Variants in CDK14 observed in about 807,000 individuals in gnomAD.
CDK14 encodes the protein cyclin-dependent kinase 14.
CDK14 carries 34 observed loss-of-function variants against 60.7 expected under a neutral mutation model. The ratio of observed to expected loss-of-function variants is 0.56; its 90% CI spans 0.43 to 0.75. CDK14 has a LOEUF of 0.75. Ranked by LOEUF, CDK14 falls within the 30% of genes least tolerant of loss-of-function variation. The pLI is 0.00. For missense variants in CDK14, 482 were observed against 564.1 expected, an observed-to-expected ratio of 0.85 and a Z score of 1.47; for synonymous variants, 197 against 203.7, an observed-to-expected ratio of 0.97 and a Z score of 0.28.
intron 4 of CDK14, among the ~76,000 whole-genome samples, chr7:90,757,696 G>A (rs1201269912): frequency 6.6e-6 from 1 of 151,922 alleles, no homozygotes; most frequent in East Asian, 1.9e-4. Context: ...TGCCGCTGAG[G>A]CTTAACCGAT....
chr7:91,052,315 T>TGG (rs1797416044), intron 11 of CDK14, among the ~76,000 whole-genome samples: 1 of 152,242 alleles, frequency 6.6e-6, no homozygotes, highest in African/African-American at 2.4e-5. Context: ...TCTCACTTCC[T>TGG]GAGTGTGTTT....
intron 5 of CDK14, among the ~76,000 whole-genome samples, chr7:90,805,255 A>AG (rs569174067): frequency 6.6e-6 from 1 of 152,124 alleles, no homozygotes; most frequent in Non-Finnish European, 1.5e-5. Context: ...CCCATGAGCA[A>AG]GGGGGGTATC....
In CDK14 at chr7:90,970,052, C is replaced by T. The variant is rs145767717; in HGVS notation, c.948-14096C>T. 6.8e-3 allele frequency among the ~76,000 whole-genome samples: 1,038 copies of T among 151,672 alleles called. 17 individuals carry two copies. Among genetic ancestry groups the T allele is most frequent in the African/African-American group, 0.023 (954 of 41,338 alleles). ...CACAATCTCGGCTCATTGCAACCTCCGCCTCCCAGGTTTAAGCGATCCTCT... is the reference window on the plus strand; with the variant it reads ...CACAATCTCGGCTCATTGCAACCTCTGCCTCCCAGGTTTAAGCGATCCTCT... On this transcript the variant is annotated intron_variant, in intron 9 of 14. Coordinates refer to ENST00000380050, the MANE Select transcript of CDK14 (RefSeq NM_001287135.2).
In CDK14 at chr7:90,744,820, C is replaced by T. The variant is rs1298227473; in HGVS notation, c.370-2861C>T. On this transcript the variant is annotated intron_variant, in intron 3 of 14. Transcript: ENST00000380050. ...GGCGGCTGGCCGGGCGGGGGGCTGA[C>T]GCCCCCACCTCCCTCCCGGACGGGG... 2.4e-4 allele frequency among the ~76,000 whole-genome samples: 19 copies of T among 77,922 alleles called. 2 individuals carry two copies. Among genetic ancestry groups the T allele is most frequent in the Admixed American group, 3.6e-4 (3 of 8,328 alleles). The allele number at this position is 77,922 out of a possible 152,430, so 51.1% of individuals were successfully genotyped here.
At chr7:90,776,182 C>T (rs1805037763) in intron 4 of CDK14, among the ~76,000 whole-genome samples, 1 of 152,094 alleles carries the variant, frequency 6.6e-6, no homozygotes, top group African/African-American at 2.4e-5. Flanking sequence ...GTTTGGAGTT[C>T]TTCCATTCCT....
chr7:91,134,864 G>A (rs1000178765), intron 14 of CDK14, among the ~76,000 whole-genome samples: 1 of 151,764 alleles, frequency 6.6e-6, no homozygotes, highest in Non-Finnish European at 1.5e-5. Flanking sequence ...GCAACAGAGT[G>A]AGACCCTGTC....
chr7:91,205,730 G>A (rs997975154), intron 14 of CDK14, among the ~76,000 whole-genome samples: 1 of 152,184 alleles, frequency 6.6e-6, no homozygotes, highest in African/African-American at 2.4e-5. Context: ...AAGTTAACTT[G>A]CCAGAAACTC....
In CDK14 at chr7:90,772,508, C is replaced by T. The variant is rs1289775599; in HGVS notation, c.465-18065C>T. Among the ~76,000 whole-genome samples the T allele has an allele frequency of 2.6e-5, 4 of 152,106 alleles. No individual in the cohort carries two copies. The South Asian group carries it at 6.2e-4, about 24-fold the overall frequency. ...GCGATTGGATCATGTAGGCAGATTTCCCCGTTGCTGTTCTCATGATAGTGA... is the reference window on the plus strand; with the variant it reads ...GCGATTGGATCATGTAGGCAGATTTTCCCGTTGCTGTTCTCATGATAGTGA... On this transcript the variant is annotated intron_variant, in intron 4 of 14. Transcript: ENST00000380050.
chr7:91,049,374 A>G (rs1056712211), intron 11 of CDK14, among the ~76,000 whole-genome samples: 3 of 152,192 alleles, frequency 2.0e-5, no homozygotes, highest in Non-Finnish European at 4.4e-5. Context: ...TGTTTTTAGA[A>G]TAGTGGAGTT....
intron 5 of CDK14, among the ~76,000 whole-genome samples, chr7:90,820,032 G>T (rs1562785770): frequency 1.3e-5 from 2 of 152,088 alleles, no homozygotes; most frequent in Non-Finnish European, 2.9e-5. Context: ...CATTCCTGAG[G>T]TTTTTGCGCC....
chr7:90,719,087 C>T (rs908873204), intron 2 of CDK14, among the ~76,000 whole-genome samples: 1 of 151,972 alleles, frequency 6.6e-6, no homozygotes, highest in Non-Finnish European at 1.5e-5. Flanking sequence ...CCATCAGGCC[C>T]TCCTGGGGTA....
chr7:90,984,196 T>C lies in CDK14; in HGVS notation c.996T>C (p.Phe332=). The C allele has an allele frequency of 1.2e-6, 2 of 1,613,180 alleles. No homozygotes were observed. The highest frequency in any genetic ancestry group is 1.7e-6 in the Non-Finnish European group (2 of 1,179,152). ...FVEMIQGVAA[F]PGMKDIQDQL... is the part of the protein sequence containing the mutation. ...AAATGATCCAAGGAGTTGCTGCTTT[T>C]CCAGGAATGAAAGACATTCAGGATC... is the stretch of plus-strand genomic sequence containing the variant. The change falls in exon 10 of 15, where the codon TTT becomes TTC. Residue 332 remains phenylalanine, a synonymous_variant. Coordinates refer to ENST00000380050, the MANE Select transcript of CDK14 (RefSeq NM_001287135.2).
At chr7:91,084,707 A>T (rs1798582359) in intron 12 of CDK14, among the ~76,000 whole-genome samples, 1 of 152,174 alleles carries the variant, frequency 6.6e-6, no homozygotes, top group Admixed American at 6.5e-5. Context: ...GCGTTTTTTG[A>T]TCCCCTTCTG....
At chr7:90,760,037 AT>A (rs1804253318) in intron 4 of CDK14, among the ~76,000 whole-genome samples, 1 of 152,274 alleles carries the variant, frequency 6.6e-6, no homozygotes, top group African/African-American at 2.4e-5. Context: ...GTGACATGAG[AT>A]TTATGTGATT....
chr7:90,635,617 G>T (rs1367733329), intron 2 of CDK14, among the ~76,000 whole-genome samples: 5 of 152,100 alleles, frequency 3.3e-5, no homozygotes, highest in Admixed American at 2.0e-4. Context: ...GGCAATGCGG[G>T]CTCTTTTTTG....
intron 10 of CDK14, among the ~76,000 whole-genome samples, chr7:91,035,583 A>G (rs777318949): frequency 2.3e-4 from 19 of 83,956 alleles, no homozygotes; most frequent in Admixed American, 4.4e-4. Context: ...CCCACCCCCA[A>G]CCTTTCTGAA....
chr7:90,602,771 A>G (rs1228718058), intron 1 of CDK14, among the ~76,000 whole-genome samples: 1 of 152,246 alleles, frequency 6.6e-6, no homozygotes. Flanking sequence ...CACTTTCAGA[A>G]GAAATGGTTA....
chr7:91,078,405 G>A (rs1055327999), intron 11 of CDK14, among the ~76,000 whole-genome samples: 3 of 152,274 alleles, frequency 2.0e-5, no homozygotes, highest in East Asian at 1.9e-4. Context: ...TCAGGAATTC[G>A]AGACCAGCCT....
At chr7:90,768,115 A>G (rs1804640306) in intron 4 of CDK14, among the ~76,000 whole-genome samples, 1 of 152,230 alleles carries the variant, frequency 6.6e-6, no homozygotes, top group Admixed American at 6.5e-5. Flanking sequence ...AGACTAACTT[A>G]CCATTGACCC....
Sources: gnomAD v4.1 joint callset for allele counts (sites outside exome capture counted in the v4.1 genomes callset) on GRCh38, gnomAD v4.1.1 for gene constraint, MANE v1.5 for transcripts, NCBI Gene and HGNC (gene_info 2026-07-23, HGNC 2026-07-21) for gene names.